Variants in ITIH4 observed in about 807,000 individuals in gnomAD.
ITIH4 encodes the protein inter-alpha-trypsin inhibitor heavy chain H4.
Under a neutral mutation model 111.8 loss-of-function variants are expected in ITIH4, and 79 were observed. That is an observed-to-expected ratio of 0.71 (90% CI 0.59 to 0.85). The LOEUF is 0.85. Among genes scored for constraint, ITIH4 ranks in the 40% least tolerant of loss-of-function variants. The probability of loss-of-function intolerance (pLI) is 0.00; values close to 1 mark genes in which losing one functional copy is unlikely to be tolerated. For synonymous variants in ITIH4, 472 were observed against 468.3 expected, an observed-to-expected ratio of 1.01 and a Z score of -0.10; for missense variants, 1,065 against 1,195.8, an observed-to-expected ratio of 0.89 and a Z score of 1.61.
At chr3:52,826,448 G>A in intron 5 of ITIH4, 93 bp downstream of exon 5, 2 of 907,372 alleles carry the variant, frequency 2.2e-6, no homozygotes, top group Non-Finnish European at 3.6e-6. Context: ...ACAGGAGGGA[G>A]AGCCCATCCT....
chr3:52,814,189 C>T lies in ITIH4; in HGVS notation c.2626+20G>A. 6.2e-7 allele frequency: 1 copy of T among 1,609,906 alleles called. No homozygotes were observed. ...GCTGGTTTCTGAGGAAGGCCTGGGC[C>T]CCGGTAATGGGCTCAGTACCAAGGG... is the stretch of plus-strand genomic sequence containing the variant. On this transcript the variant is annotated intron_variant, in intron 22 of 23. Coordinates refer to ENST00000266041, the MANE Select transcript of ITIH4 (RefSeq NM_002218.5).
At chr3:52,820,421 A>T (rs1032414358) in intron 13 of ITIH4, 104 bp from the exon 14 acceptor site, 1 of 1,329,506 alleles carries the variant, frequency 7.5e-7, no homozygotes, top group East Asian at 2.4e-5. Flanking sequence ...TAATCTTGCT[A>T]CCCAATCCTG....
At position 52,829,295 on chromosome 3, in the gene ITIH4, A is replaced by G; in HGVS notation, c.91-16T>C. 1.3e-6 allele frequency: 2 copies of G among 1,594,270 alleles called. No homozygotes were observed. The highest frequency in any genetic ancestry group is 1.1e-5 in the South Asian group (1 of 90,240). On this transcript the variant is annotated splice_polypyrimidine_tract_variant and intron_variant, in intron 1 of 23. Coordinates refer to ENST00000266041, the MANE Select transcript of ITIH4 (RefSeq NM_002218.5). The stretch of plus-strand genomic sequence containing the variant: ...CGATGCCATTCTGGACCAGCAAAGA[A>G]GAAGGGGGTTGCAGGGTTTCAATGC...
In ITIH4 at chr3:52,826,619, G is replaced by C; in HGVS notation, c.552C>G (p.Ile184Met). Reference protein sequence around the residue: ...MDIHIFEPQGISFLETESTFM... With the variant: ...MDIHIFEPQGMSFLETESTFM... ...AGGTGCTCTCTGTCTCCAGAAAGCT[G>C]ATGCCCTGGGGCTCGAAGATGTGAA... The change falls in exon 5 of 24, where the codon ATC becomes ATG. Residue 184 changes from isoleucine to methionine, a missense_variant. By Grantham distance (10) the Ile-to-Met change is conservative. Transcript: ENST00000266041. The C allele has an allele frequency of 6.2e-7, 1 of 1,614,088 alleles. No homozygotes were observed. The highest frequency in any genetic ancestry group is 8.5e-7 in the Non-Finnish European group (1 of 1,180,012).
rs2154111243 is a variant in ITIH4, at chr3:52,818,096, C to T, written c.2252G>A (p.Arg751Lys). The T allele has an allele frequency of 6.2e-7, 1 of 1,613,856 alleles. No homozygotes were observed. Among genetic ancestry groups the T allele is most frequent in the South Asian group, 1.1e-5 (1 of 91,062 alleles). Residue 751 changes from arginine to lysine, a missense_variant, in exon 20 of 24, where the codon AGA becomes AAA. Transcript: ENST00000266041. ...CAGGTTCACTGGCCCCTGGCGGTGT[C>T]TGGGGTCCACACAGAGCCGCTCCAC... is the stretch of plus-strand genomic sequence containing the variant. ...QSVERLCVDP[R>K]HRQGPVNLLS...
rs762541755 is a variant in ITIH4 at position 52,816,866 on chromosome 3, C to T, written c.2471+18G>A. The T allele has an allele frequency of 2.5e-6, 4 of 1,610,076 alleles. No individual in the cohort carries two copies. Among genetic ancestry groups the T allele is most frequent in the Middle Eastern group, 1.7e-4 (1 of 6,002 alleles). ...CTGAAAGGTCAACCCCTGCCCCGGG[C>T]TCCAGCCTGGGCCTTACCCGGGCAT... On this transcript the variant is annotated intron_variant, in intron 21 of 23. Transcript: ENST00000266041.
rs1260900681 is a variant in ITIH4 at position 52,821,267 on chromosome 3, TG to T, written c.1540-138del. 1.5e-4 allele frequency: 144 copies of T among 967,808 alleles called. 1 individual carries two copies. The Middle Eastern group carries it at 2.5e-3, about 17-fold the overall frequency. 60.0% of individuals were successfully genotyped at this position (967,808 alleles called of 1,614,324 possible). On this transcript the variant is annotated intron_variant, in intron 11 of 23. Transcript: ENST00000266041. ...CTGTGGGGACTGCATTTCCTTTGAG[TG>T]GGGGTAAGGAGGGGGCTTAGGGGTG...
intron 17 of ITIH4, 32 bp downstream of exon 17, chr3:52,819,361 C>G: frequency 6.2e-7 from 1 of 1,613,074 alleles, no homozygotes. Context: ...CGTGGGAAAC[C>G]GAGGCCCTCG....
At chr3:52,823,364 C>G in intron 11 of ITIH4, 192 bp downstream of exon 11, 1 of 594,462 alleles carries the variant, frequency 1.7e-6, no homozygotes, top group Non-Finnish European at 3.0e-6. Context: ...GACCGGCTGC[C>G]GAGAGCCTGT....
intron 21 of ITIH4, among the ~76,000 whole-genome samples, chr3:52,815,044 T>C (rs957093180): frequency 3.3e-5 from 5 of 152,224 alleles, no homozygotes; most frequent in African/African-American, 1.2e-4. Flanking sequence ...AGGCCTCTTC[T>C]CATTCTGTCT....
chr3:52,821,411 G>T (rs549549767), intron 11 of ITIH4, among the ~76,000 whole-genome samples: 2 of 152,320 alleles, frequency 1.3e-5, no homozygotes, highest in South Asian at 4.1e-4. Flanking sequence ...ACCTCTGGAA[G>T]AAAGGGATGG....
Position 52,816,970 on chromosome 3 carries a change from G to A in ITIH4, c.2385C>T (p.His795=), listed in dbSNP as rs1434255779. ...TCACCACCACGTGTTCAGGGGATGC[G>A]TGAACCCATACCAGGGGGTTCTTGA... The part of the protein sequence containing the change: ...VTFKNPLVWV[H]ASPEHVVVTR... The change falls in exon 21 of 24, where the codon CAC becomes CAT. Residue 795 remains histidine (H), a synonymous_variant. Coordinates refer to ENST00000266041, the MANE Select transcript of ITIH4 (RefSeq NM_002218.5). 69 of 1,613,794 alleles carry A rather than the reference G, an allele frequency of 4.3e-5. No individual in the cohort carries two copies. The highest frequency in any genetic ancestry group is 5.3e-5 in the African/African-American group (4 of 74,938).
intron 22 of ITIH4, 48 bp from the exon 23 acceptor site, chr3:52,814,119 T>C: frequency 6.2e-7 from 1 of 1,608,188 alleles, no homozygotes; most frequent in Non-Finnish European, 8.5e-7. Context: ...AGAGGAAGCC[T>C]GGGAGACACA....
Position 52,823,669 on chromosome 3 carries a change from C to G in ITIH4, c.1426G>C (p.Glu476Gln), listed in dbSNP as rs368163088. 3 of 1,614,064 alleles carry G rather than the reference C, an allele frequency of 1.9e-6. No homozygotes were observed. The highest frequency in any genetic ancestry group is 1.3e-5 in the African/African-American group (1 of 74,934). Residue 476 changes from glutamate (E) to glutamine (Q), a missense_variant, in exon 11 of 24, where the codon GAG becomes CAG. Glu to Gln is a conservative substitution (Grantham distance 29, BLOSUM62 2). Coordinates refer to ENST00000266041, the MANE Select transcript of ITIH4 (RefSeq NM_002218.5). ...TFEYPSNAVE[E>Q]VTQNNFRLLF... The stretch of plus-strand genomic sequence containing the variant: ...AGCCGGAAGTTGTTCTGAGTGACCT[C>G]CTCCACGGCATTGCTTGGGTACTCG...
intron 11 of ITIH4, among the ~76,000 whole-genome samples, chr3:52,821,667 G>A (rs562767986): frequency 7.2e-5 from 11 of 152,190 alleles, no homozygotes; most frequent in African/African-American, 9.6e-5. Context: ...GCTGGCCACC[G>A]TGGGACAATG....
rs1578767990 is a variant in ITIH4 at position 52,813,269 on chromosome 3, T to C, written c.*152A>G. On this transcript the variant is annotated 3_prime_UTR_variant, in exon 24 of 24. Transcript: ENST00000266041. Reference sequence around the variant, plus strand: ...GCCCTAGGATTTGGCCACATGGAACTGGAGACACCCACTTCCCAGGCTCAC... The same window carrying C: ...GCCCTAGGATTTGGCCACATGGAACCGGAGACACCCACTTCCCAGGCTCAC... 4.2e-6 allele frequency: 3 copies of C among 712,090 alleles called. No individual in the cohort carries two copies. The East Asian group carries it at 7.7e-5, about 18-fold the overall frequency. The allele number at this position is 712,090 out of a possible 1,614,324, so 44.1% of individuals were successfully genotyped here. A position where few individuals can be genotyped will look rare whatever the true frequency, so the allele number is the denominator to read the frequency against.
chr3:52,829,913 G>A (rs1028005211), intron 1 of ITIH4: 1 of 186,610 alleles, frequency 5.4e-6, no homozygotes, highest in Admixed American at 5.5e-5. Flanking sequence ...CCCCTAGCAG[G>A]TGCCATTTGC....
intron 20 of ITIH4, 150 bp downstream of exon 20, chr3:52,817,902 G>C (rs1700307688): frequency 4.2e-6 from 3 of 717,694 alleles, no homozygotes; most frequent in Non-Finnish European, 7.6e-6. Flanking sequence ...GTGTGAGTGT[G>C]TGCCCATGCC....
Position 52,814,021 on chromosome 3 carries a change from C to A in ITIH4, c.2677G>T (p.Gly893Cys). 1 of 1,613,812 alleles carries A rather than the reference C, an allele frequency of 6.2e-7. No homozygotes were observed. The highest frequency in any genetic ancestry group is 8.5e-7 in the Non-Finnish European group (1 of 1,179,936). ...LWGSPAASDD[G>C]RRTLRVQGND... ...CCCTGAACCCTCAGCGTGCGTCTGC[C>A]GTCATCTGATGCTGCTGGAGATCCC... The change falls in exon 23 of 24, where the codon GGC becomes TGC. Residue 893 changes from glycine (G) to cysteine (C), a missense_variant. Physicochemically the swap from Gly to Cys is radical, Grantham distance 159. Coordinates refer to ENST00000266041, the MANE Select transcript of ITIH4 (RefSeq NM_002218.5).
Sources: allele counts gnomAD v4.1 joint callset (sites outside exome capture counted in the v4.1 genomes callset), GRCh38; gene constraint gnomAD v4.1.1; transcripts MANE v1.5; gene names NCBI Gene and HGNC (gene_info 2026-07-23, HGNC 2026-07-21).